Variants in ARHGAP24 observed in about 807,000 individuals in gnomAD.
ARHGAP24 encodes the protein rho GTPase-activating protein 24.
In ARHGAP24, 50 loss-of-function variants were observed where a neutral mutation model predicts 76.4. The observed-to-expected ratio is 0.65, with a 90% CI of 0.52 to 0.83. ARHGAP24 has a LOEUF of 0.83. Among genes scored for constraint, ARHGAP24 ranks in the 40% least tolerant of loss-of-function variants. ARHGAP24 has a pLI of 0.00. For missense variants in ARHGAP24, 930 were observed against 914.2 expected (o/e 1.02, Z -0.22); for synonymous variants, 345 against 323.3 (o/e 1.07, Z -0.72).
chr4:85,875,586 ATT>A (rs35899794), intron 3 of ARHGAP24, among the ~76,000 whole-genome samples: 22 of 100,826 alleles, frequency 2.2e-4, no homozygotes, highest in Non-Finnish European at 1.6e-4. Context: ...TATAATATAT[ATT>A]TTATATTATA....
intron 3 of ARHGAP24, among the ~76,000 whole-genome samples, chr4:85,816,950 G>T (rs957950903): frequency 1.3e-5 from 2 of 152,074 alleles, no homozygotes; most frequent in African/African-American, 4.8e-5. Context: ...TTTGATAATA[G>T]ACATTCTAAT....
At chr4:85,508,493 C>T (rs1724148518) in intron 1 of ARHGAP24, among the ~76,000 whole-genome samples, 3 of 152,110 alleles carry the variant, frequency 2.0e-5, no homozygotes, top group South Asian at 2.1e-4. Flanking sequence ...AGCATTTGAC[C>T]TAAGGCAAAA....
At chr4:85,618,829 T>C (rs770032817) in intron 2 of ARHGAP24, among the ~76,000 whole-genome samples, 4 of 151,274 alleles carry the variant, frequency 2.6e-5, no homozygotes, top group Non-Finnish European at 5.9e-5. Flanking sequence ...GAGTAATTTG[T>C]TTTCTTTCTT....
chr4:85,557,875 G>A (rs1447236416), intron 1 of ARHGAP24, among the ~76,000 whole-genome samples: 1 of 152,154 alleles, frequency 6.6e-6, no homozygotes, highest in African/African-American at 2.4e-5. Context: ...TTAATGAAGT[G>A]TACATTATAA....
intron 3 of ARHGAP24, among the ~76,000 whole-genome samples, chr4:85,813,059 A>C (rs1729079316): frequency 6.6e-6 from 1 of 152,086 alleles, no homozygotes; most frequent in South Asian, 2.1e-4. Context: ...TTCTGAGTTT[A>C]TTTTCTTTTT....
intron 2 of ARHGAP24, among the ~76,000 whole-genome samples, chr4:85,683,269 T>C (rs1017292769): frequency 2.6e-5 from 4 of 152,160 alleles, no homozygotes; most frequent in African/African-American, 9.6e-5. Context: ...ATTATCAACC[T>C]TTCCATCTGT....
intron 2 of ARHGAP24, among the ~76,000 whole-genome samples, chr4:85,662,179 T>C (rs1413680741): frequency 6.6e-6 from 1 of 152,180 alleles, no homozygotes; most frequent in Non-Finnish European, 1.5e-5. Flanking sequence ...CCAGCACCTG[T>C]TGTTTCCTGA....
chr4:85,652,018 ATAG>A (rs1721964831), intron 2 of ARHGAP24, among the ~76,000 whole-genome samples: 1 of 152,182 alleles, frequency 6.6e-6, no homozygotes, highest in South Asian at 2.1e-4. Context: ...TAATTTTAAA[ATAG>A]TGATGAAAAT....
chr4:85,527,566 T>A (rs990832578), intron 1 of ARHGAP24, among the ~76,000 whole-genome samples: 1 of 152,118 alleles, frequency 6.6e-6, no homozygotes, highest in African/African-American at 2.4e-5. Flanking sequence ...TTAGCAACCT[T>A]ATCTTGCATA....
chr4:85,570,808 A>C, intron 2 of ARHGAP24, 87 bp downstream of exon 2: 1 of 1,431,220 alleles, frequency 7.0e-7, no homozygotes, highest in Non-Finnish European at 9.7e-7. Context: ...GACTGAGACC[A>C]CCCAAAGCTC....
At chr4:85,904,531 A>T (rs1734671433) in intron 3 of ARHGAP24, among the ~76,000 whole-genome samples, 1 of 152,238 alleles carries the variant, frequency 6.6e-6, no homozygotes. Context: ...GAGAAATGCT[A>T]CTAAATGAAA....
rs1186733317 is a variant in ARHGAP24, at chr4:85,721,987, T to C, written c.268+15T>C. 6.2e-7 allele frequency: 1 copy of C among 1,604,710 alleles called. No homozygotes were observed. The highest frequency in any genetic ancestry group is 8.5e-7 in the Non-Finnish European group (1 of 1,171,846). On this transcript the variant is annotated intron_variant, in intron 3 of 9. Transcript: ENST00000395184. ...AGTAGTTCCAGGTAAGATATTTTCC[T>C]AGTCTGATTAAATTATTGTCATCCT...
intron 4 of ARHGAP24, among the ~76,000 whole-genome samples, chr4:85,934,677 G>A (rs1023575583): frequency 1.3e-5 from 2 of 152,086 alleles, no homozygotes; most frequent in African/African-American, 2.4e-5. Context: ...ACCACACCCA[G>A]CTAATTTTTG....
chr4:85,972,335 T>C, intron 6 of ARHGAP24, 167 bp downstream of exon 6: 2 of 807,938 alleles, frequency 2.5e-6, no homozygotes, highest in South Asian at 1.7e-5. Flanking sequence ...TCAAGCACCA[T>C]TTCCGATCCC....
At chr4:85,768,399 G>C (rs1465269840) in intron 3 of ARHGAP24, among the ~76,000 whole-genome samples, 2 of 152,112 alleles carry the variant, frequency 1.3e-5, no homozygotes, top group African/African-American at 4.8e-5. Context: ...AGTTGAGCAG[G>C]CAAATTAAAA....
chr4:85,885,879 A>G (rs144623510), intron 3 of ARHGAP24, among the ~76,000 whole-genome samples: 68 of 152,252 alleles, frequency 4.5e-4, no homozygotes, highest in African/African-American at 1.2e-3. Flanking sequence ...TTTTATAACT[A>G]TGAGAGCAAA....
intron 3 of ARHGAP24, among the ~76,000 whole-genome samples, chr4:85,876,173 A>G (rs902333329): frequency 6.6e-6 from 1 of 152,124 alleles, no homozygotes; most frequent in Non-Finnish European, 1.5e-5. Context: ...ATGTATACAC[A>G]CTCAGGGCAA....
At chr4:85,593,707 A>T (rs759672035) in intron 2 of ARHGAP24, among the ~76,000 whole-genome samples, 2 of 152,112 alleles carry the variant, frequency 1.3e-5, no homozygotes, top group African/African-American at 4.8e-5. Context: ...TATTGAAGAG[A>T]CTGTCCTTTC....
chr4:85,753,414 T>C (rs141403148), intron 3 of ARHGAP24, among the ~76,000 whole-genome samples: 464 of 152,320 alleles, frequency 3.0e-3, no homozygotes, highest in African/African-American at 0.01. Context: ...AGTCATTCTG[T>C]AGGACCTTCA....
Sources: allele counts gnomAD v4.1 joint callset (sites outside exome capture counted in the v4.1 genomes callset), GRCh38; gene constraint gnomAD v4.1.1; transcripts MANE v1.5; gene names NCBI Gene and HGNC (gene_info 2026-07-23, HGNC 2026-07-21).